Variants in ITGA5 observed in about 807,000 individuals in gnomAD.
ITGA5 encodes integrin subunit alpha 5.
A neutral mutation model predicts 146.3 loss-of-function variants in ITGA5; 55 were observed. The ratio of observed to expected loss-of-function variants is 0.38; its 90% CI spans 0.30 to 0.47. The LOEUF (loss-of-function observed/expected upper bound fraction) is 0.47, where lower values mean the gene tolerates loss of function less well. Among genes scored for constraint, ITGA5 ranks in the 20% least tolerant of loss-of-function variants. The probability of loss-of-function intolerance (pLI) is 0.99; values close to 1 mark genes in which losing one functional copy is unlikely to be tolerated. For missense variants in ITGA5, 1,131 were observed against 1,329.0 expected (o/e 0.85, Z 2.32); for synonymous variants, 500 against 531.8 (o/e 0.94, Z 0.82).
intron 11 of ITGA5, 51 bp downstream of exon 11, chr12:54,405,613 C>G (rs939771897): frequency 1.3e-6 from 2 of 1,488,546 alleles, no homozygotes; most frequent in African/African-American, 1.4e-5. Context: ...TCCCACTCTT[C>G]CCTCTTGGTT....
At chr12:54,404,524 T>A in intron 13 of ITGA5, 49 bp from the exon 14 acceptor site, 1 of 1,603,914 alleles carries the variant, frequency 6.2e-7, no homozygotes, top group Non-Finnish European at 8.5e-7. Flanking sequence ...CAGATCAGGA[T>A]CCTTTCTTCC....
At chr12:54,396,409 A>C (rs1408515845) in intron 29 of ITGA5, 33 bp from the exon 30 acceptor site, 1 of 1,530,364 alleles carries the variant, frequency 6.5e-7, no homozygotes, top group Non-Finnish European at 9.1e-7. Context: ...GAGTTTAGGT[A>C]CTATGGCTGC....
intron 28 of ITGA5, 64 bp from the exon 29 acceptor site, chr12:54,397,551 C>T: frequency 1.9e-6 from 3 of 1,595,338 alleles, no homozygotes; most frequent in Non-Finnish European, 1.7e-6. Context: ...ATACTTGGCC[C>T]CCACTTGTCA....
chr12:54,396,470 C>T (rs779355722), intron 29 of ITGA5, 94 bp from the exon 30 acceptor site: 6 of 968,476 alleles, frequency 6.2e-6, no homozygotes, highest in Non-Finnish European at 9.7e-6. Flanking sequence ...ACTCTAGTGC[C>T]TCCAACCTCT....
intron 19 of ITGA5, among the ~76,000 whole-genome samples, chr12:54,402,567 G>A (rs1955801460): frequency 6.6e-6 from 1 of 152,010 alleles, no homozygotes; most frequent in Non-Finnish European, 1.5e-5. Context: ...CCGGCATGGT[G>A]GCAGGCACCT....
chr12:54,405,626 G>T (rs1428576555), intron 11 of ITGA5, 38 bp downstream of exon 11: 1 of 1,559,964 alleles, frequency 6.4e-7, no homozygotes, highest in African/African-American at 1.4e-5. Context: ...TCTTGGTTCT[G>T]GGAGGGTATC....
Position 54,399,771 on chromosome 12 carries a change from A to C in ITGA5, c.2728-13T>G, listed in dbSNP as rs1955762998. On this transcript the variant is annotated splice_polypyrimidine_tract_variant and intron_variant, in intron 26 of 29. Transcript: ENST00000293379. ...CCTCCGGGCATTTCTAGGAAGAAAG[A>C]AGCTTGAACCTGGTGTTCTGCCCTT... is the stretch of plus-strand genomic sequence containing the variant. 1 of 1,613,646 alleles carries C rather than the reference A, an allele frequency of 6.2e-7. No individual in the cohort carries two copies. The highest frequency in any genetic ancestry group is 8.5e-7 in the Non-Finnish European group (1 of 1,179,544).
At chr12:54,404,618 G>T in intron 13 of ITGA5, 85 bp downstream of exon 13, 1 of 1,485,888 alleles carries the variant, frequency 6.7e-7, no homozygotes, top group Non-Finnish European at 9.4e-7. Context: ...CTGCACCCAG[G>T]AACTTAAGGA....
Position 54,409,809 on chromosome 12 carries a change from TACAC to T in ITGA5, c.350-216_350-213del, listed in dbSNP as rs1019923938. The T allele has an allele frequency of 2.0e-5, 11 of 541,164 alleles. No homozygotes were observed. Among genetic ancestry groups the T allele is most frequent in the African/African-American group, 1.5e-4 (8 of 52,356 alleles). 33.5% of individuals were successfully genotyped at this position (541,164 alleles called of 1,614,324 possible). A position where few individuals can be genotyped will look rare whatever the true frequency, so the allele number is the denominator to read the frequency against. On this transcript the variant is annotated intron_variant, in intron 2 of 29. Transcript: ENST00000293379. This position sits in a 1 kb window ranked among gnomAD's most constrained non-coding sequence, Gnocchi z 4.7. ...TATCTCTCCACTACACACATACACATACACACACACACATACATACACACGCACG... is the reference window on the plus strand; with the variant it reads ...TATCTCTCCACTACACACATACACATACACACACATACATACACACGCACG...
At chr12:54,414,938 C>T (rs1049223335) in intron 1 of ITGA5, among the ~76,000 whole-genome samples, 10 of 152,180 alleles carry the variant, frequency 6.6e-5, no homozygotes, top group African/African-American at 1.7e-4. Flanking sequence ...CACCTGAGGT[C>T]GGGAGTTTGA....
At chr12:54,418,862 C>G in intron 1 of ITGA5, 119 bp downstream of exon 1, 1 of 1,230,126 alleles carries the variant, frequency 8.1e-7, no homozygotes, top group Non-Finnish European at 1.1e-6. Flanking sequence ...AACTGCAGCT[C>G]TATTCCTTAC....
chr12:54,408,861 A>C (rs770006976), intron 5 of ITGA5, 32 bp downstream of exon 5: 2 of 1,613,474 alleles, frequency 1.2e-6, no homozygotes, highest in African/African-American at 2.7e-5. Flanking sequence ...TCCACCACCC[A>C]CGGCCCCTTC....
rs1346914980 is a variant in ITGA5 at position 54,396,213 on chromosome 12, G to T, written c.*80C>A. On this transcript the variant is annotated 3_prime_UTR_variant, in exon 30 of 30. Coordinates refer to ENST00000293379, the MANE Select transcript of ITGA5 (RefSeq NM_002205.5). ...CCCTGGCCGTCAGCACCTTCAAGAAGTACCCAGACCCCTCCTTTTCAGTAG... is the reference window on the plus strand; with the variant it reads ...CCCTGGCCGTCAGCACCTTCAAGAATTACCCAGACCCCTCCTTTTCAGTAG... 3 of 1,179,308 alleles carry T rather than the reference G, an allele frequency of 2.5e-6. No homozygotes were observed. The highest frequency in any genetic ancestry group is 4.7e-5 in the East Asian group (2 of 42,628). The allele number at this position is 1,179,308 out of a possible 1,614,324, so 73.1% of individuals were successfully genotyped here. A position where few individuals can be genotyped will look rare whatever the true frequency, so the allele number is the denominator to read the frequency against.
At chr12:54,410,754 T>C (rs1592291720) in intron 2 of ITGA5, among the ~76,000 whole-genome samples, 2 of 148,814 alleles carry the variant, frequency 1.3e-5, no homozygotes, top group South Asian at 4.3e-4. Context: ...TGAGACAGAG[T>C]CTTTCTCTGT....
At position 54,409,474 on chromosome 12, in the gene ITGA5, T is replaced by C. The variant is rs758202921; in HGVS notation, c.462+11A>G. ...CTGGCCACCACACCACTGAGCTTGCTGGCCCCTCACCAAGATGGAGGAGCC... is the reference window on the plus strand; with the variant it reads ...CTGGCCACCACACCACTGAGCTTGCCGGCCCCTCACCAAGATGGAGGAGCC... On this transcript the variant is annotated intron_variant, in intron 3 of 29. Coordinates refer to ENST00000293379, the MANE Select transcript of ITGA5 (RefSeq NM_002205.5). The surrounding 1 kb of genome is among the most constrained non-coding windows in gnomAD (Gnocchi z 4.7). 5.0e-6 allele frequency: 8 copies of C among 1,612,878 alleles called. No homozygotes were observed. The Admixed American group carries it at 1.2e-4, about 24-fold the overall frequency.
chr12:54,412,017 TG>T, intron 1 of ITGA5, 53 bp from the exon 2 acceptor site: 1 of 1,470,822 alleles, frequency 6.8e-7, no homozygotes, highest in Non-Finnish European at 9.1e-7. Context: ...TTTTCATTGG[TG>T]TCTGGAGGCA....
In ITGA5 at chr12:54,399,668, C is replaced by A. The variant is rs878972350; in HGVS notation, c.2818G>T (p.Val940Phe). Reference protein sequence around the residue: ...ESQSLQLHFRVWAKTFLQREH... With the variant: ...ESQSLQLHFRFWAKTFLQREH... ...ACCTGCAAGAAAGTCTTGGCCCAGA[C>A]TCGGAAATGCAACTGCAGACTTTGG... The change falls in exon 27 of 30, where the codon GTC (valine) becomes TTC (phenylalanine). Residue 940 changes from valine (V) to phenylalanine (F), a missense_variant. Val to Phe is a conservative substitution (Grantham distance 50). Transcript: ENST00000293379. The A allele has an allele frequency of 6.2e-7, 1 of 1,614,022 alleles. No individual in the cohort carries two copies. Among genetic ancestry groups the A allele is most frequent in the Non-Finnish European group, 8.5e-7 (1 of 1,179,964 alleles).
intron 1 of ITGA5, among the ~76,000 whole-genome samples, chr12:54,415,957 G>C (rs1265388676): frequency 6.6e-6 from 1 of 152,194 alleles, no homozygotes. Flanking sequence ...TCAAGCTTTG[G>C]ATTCTCTGGC....
In ITGA5 at chr12:54,419,023, AAGG is replaced by A. The variant is rs909001583; in HGVS notation, c.173_175del (p.Ser58del). ...GTAAAACTCCACTGAGAATCCGAAG[AAGG>A]AGCCCGGGGGCCCCGAGAGTACTGC... On this transcript the variant is annotated inframe_deletion, in exon 1 of 30. Transcript: ENST00000293379. 1 of 1,603,648 alleles carries A rather than the reference AAGG, an allele frequency of 6.2e-7. No individual in the cohort carries two copies. The highest frequency in any genetic ancestry group is 1.4e-5 in the African/African-American group (1 of 74,028).
Sources: gnomAD v4.1 joint callset for allele counts (sites outside exome capture counted in the v4.1 genomes callset) on GRCh38, gnomAD v4.1.1 for gene constraint, Gnocchi (gnomAD v3.1) non-coding constraint, MANE v1.5 for transcripts, NCBI Gene and HGNC (gene_info 2026-07-23, HGNC 2026-07-21) for gene names.